HS6ST3: variants seen among roughly 807,000 people sequenced by gnomAD.
The protein encoded by HS6ST3 is heparan sulfate 6-O-sulfotransferase 3.
HS6ST3 carries 12 observed loss-of-function variants against 36.7 expected under a neutral mutation model. The observed-to-expected ratio is 0.33, with a 90% confidence interval of 0.21 to 0.53. HS6ST3 has a LOEUF of 0.53. Among genes scored for constraint, HS6ST3 ranks in the 20% least tolerant of loss-of-function variants. The pLI, the probability that HS6ST3 is intolerant of heterozygous loss-of-function variation, is 0.95. For synonymous variants in HS6ST3, 240 were observed against 257.5 expected (o/e 0.93, Z 0.65); for missense variants, 584 against 640.9 (o/e 0.91, Z 0.96).
chr13:96,254,102 T>A, intron 1 of HS6ST3, among the ~76,000 whole-genome samples: 1 of 152,054 alleles, frequency 6.6e-6, no homozygotes, highest in East Asian at 1.9e-4. Flanking sequence ...TTTTCCACCA[T>A]AGAGCAAATT....
At chr13:96,508,592 T>C (rs969140839) in intron 1 of HS6ST3, among the ~76,000 whole-genome samples, 5 of 152,114 alleles carry the variant, frequency 3.3e-5, no homozygotes, top group Non-Finnish European at 7.4e-5. Flanking sequence ...TGTGTACTCA[T>C]AGCTTAGCTC....
chr13:96,542,096 A>C (rs766600727), intron 1 of HS6ST3, among the ~76,000 whole-genome samples: 1 of 152,246 alleles, frequency 6.6e-6, no homozygotes, highest in African/African-American at 2.4e-5. Flanking sequence ...CTAGGGGCAG[A>C]AAGCCTCTGG....
intron 1 of HS6ST3, among the ~76,000 whole-genome samples, chr13:96,147,696 G>C (rs901272449): frequency 6.6e-6 from 1 of 152,152 alleles, no homozygotes; most frequent in Admixed American, 6.6e-5. Context: ...TCCTGTCCAG[G>C]GCTGGTTCCC....
chr13:96,598,056 G>A (rs2152480), intron 1 of HS6ST3, among the ~76,000 whole-genome samples: 5,524 of 152,116 alleles, frequency 0.036, 174 homozygotes, highest in Admixed American at 0.092. Flanking sequence ...CCAGTGCCAT[G>A]CTGTTTTCAT....
intron 1 of HS6ST3, among the ~76,000 whole-genome samples, chr13:96,781,766 T>G (rs1877534384): frequency 6.6e-6 from 1 of 152,220 alleles, no homozygotes; most frequent in Non-Finnish European, 1.5e-5. Context: ...CGTGAACCTT[T>G]TTTTCATTTC....
At chr13:96,522,960 T>C (rs2056099569) in intron 1 of HS6ST3, among the ~76,000 whole-genome samples, 1 of 152,216 alleles carries the variant, frequency 6.6e-6, no homozygotes, top group East Asian at 1.9e-4. Flanking sequence ...TTAGCCTCGA[T>C]GGTCTTTACA....
chr13:96,201,204 TA>T (rs1883060624), intron 1 of HS6ST3, among the ~76,000 whole-genome samples: 1 of 152,124 alleles, frequency 6.6e-6, no homozygotes, highest in African/African-American at 2.4e-5. Context: ...GGGCCTGATT[TA>T]AGTGGTGAAA....
intron 1 of HS6ST3, among the ~76,000 whole-genome samples, chr13:96,307,431 A>C (rs1382897160): frequency 6.6e-6 from 1 of 152,174 alleles, no homozygotes; most frequent in Non-Finnish European, 1.5e-5. Context: ...GACATTTTGC[A>C]ACACTATAGG....
intron 1 of HS6ST3, among the ~76,000 whole-genome samples, chr13:96,255,345 T>G (rs889723891): frequency 9.9e-5 from 15 of 152,164 alleles, no homozygotes; most frequent in Non-Finnish European, 1.8e-4. Context: ...TAGCAAGAAG[T>G]CAAGAAGAGA....
intron 1 of HS6ST3, among the ~76,000 whole-genome samples, chr13:96,238,905 G>A (rs1003969770): frequency 2.0e-5 from 3 of 152,224 alleles, no homozygotes; most frequent in African/African-American, 7.2e-5. Context: ...ATTATCTTGT[G>A]CCTGGGTGAC....
At chr13:96,568,612 C>A (rs2056290290) in intron 1 of HS6ST3, among the ~76,000 whole-genome samples, 1 of 152,196 alleles carries the variant, frequency 6.6e-6, no homozygotes, top group Non-Finnish European at 1.5e-5. Flanking sequence ...AATTTCATCA[C>A]ATATTTCATG....
At chr13:96,543,634 C>T (rs934205800) in intron 1 of HS6ST3, among the ~76,000 whole-genome samples, 7 of 152,130 alleles carry the variant, frequency 4.6e-5, no homozygotes, top group Non-Finnish European at 1.0e-4. Context: ...AGATCCGAAG[C>T]CAAGCCAATT....
chr13:96,648,729 C>T (rs2056597592), intron 1 of HS6ST3, among the ~76,000 whole-genome samples: 1 of 152,040 alleles, frequency 6.6e-6, no homozygotes, highest in Admixed American at 6.6e-5. Context: ...TCAGCTCCCA[C>T]TTATGAGTGA....
chr13:96,521,603 T>C (rs1214060084), intron 1 of HS6ST3, among the ~76,000 whole-genome samples: 1 of 152,210 alleles, frequency 6.6e-6, no homozygotes, highest in Admixed American at 6.5e-5. Flanking sequence ...TCCAGGAATT[T>C]ATCCCTTTCT....
intron 1 of HS6ST3, among the ~76,000 whole-genome samples, chr13:96,140,437 TA>T (rs1188534654): frequency 2.6e-5 from 4 of 152,318 alleles, no homozygotes; most frequent in Middle Eastern, 3.4e-3. Context: ...GGTTCTGGTA[TA>T]TTTTTCATAG....
intron 1 of HS6ST3, among the ~76,000 whole-genome samples, chr13:96,614,026 C>T (rs990360431): frequency 2.0e-5 from 3 of 151,934 alleles, no homozygotes; most frequent in South Asian, 4.2e-4. Flanking sequence ...GGGCCGGGCG[C>T]GGTGGCTCAC....
At position 96,353,558 on chromosome 13, in the gene HS6ST3, C is replaced by CT. The variant is rs545507512; in HGVS notation, c.707+262000dup. Among the ~76,000 whole-genome samples the CT allele has an allele frequency of 1.4e-3, 197 of 145,660 alleles. 2 individuals are homozygous for CT. Among genetic ancestry groups the CT allele is most frequent in the East Asian group, 3.2e-3 (16 of 4,972 alleles). ...AGTATTAGAAGAAAATGTTACCAAA[C>CT]TTTTTTTTTTTCAAATAAACGGGAA... is the stretch of plus-strand genomic sequence containing the variant. On this transcript the variant is annotated intron_variant, in intron 1 of 1. Transcript: ENST00000376705.
At chr13:96,445,709 A>G (rs1265292672) in intron 1 of HS6ST3, among the ~76,000 whole-genome samples, 2 of 151,842 alleles carry the variant, frequency 1.3e-5, no homozygotes, top group African/African-American at 4.8e-5. Flanking sequence ...CTCTACTAAA[A>G]ATACAAAAAA....
intron 1 of HS6ST3, among the ~76,000 whole-genome samples, chr13:96,656,994 T>TGAGAGAGA (rs1383073942): frequency 1.0e-4 from 14 of 135,420 alleles, no homozygotes; most frequent in African/African-American, 4.0e-4. Context: ...TGTGTGTGTG[T>TGAGAGAGA]GTGTGAGAGA....
Sources: allele counts gnomAD v4.1 joint callset (sites outside exome capture counted in the v4.1 genomes callset), GRCh38; gene constraint gnomAD v4.1.1; transcripts MANE v1.5; gene names NCBI Gene and HGNC (gene_info 2026-07-23, HGNC 2026-07-21).